EVC2: variants seen among roughly 807,000 people sequenced by gnomAD.
The protein encoded by EVC2 is limbin.
A neutral mutation model predicts 149.3 loss-of-function variants in EVC2; 148 were observed. The observed-to-expected ratio is 0.99, with a 90% CI of 0.87 to 1.14. The LOEUF is 1.14. Among genes scored for constraint, EVC2 ranks in the 50% most tolerant of loss-of-function variants. The pLI is 0.00. For missense variants in EVC2, 1,854 were observed against 1,627.3 expected (o/e 1.14, Z -2.40); for synonymous variants, 776 against 649.9 (o/e 1.19, Z -2.95).
intron 11 of EVC2, among the ~76,000 whole-genome samples, chr4:5,630,169 G>C (rs549167100): frequency 8.5e-4 from 129 of 152,334 alleles, no homozygotes; most frequent in African/African-American, 2.9e-3. Flanking sequence ...GGAGGGGGGA[G>C]CTCGTTCTCT....
intron 9 of EVC2, among the ~76,000 whole-genome samples, chr4:5,641,662 T>C (rs1350983471): frequency 6.6e-6 from 1 of 152,184 alleles, no homozygotes; most frequent in African/African-American, 2.4e-5. Flanking sequence ...AGAAAAAAAT[T>C]AATTTATGTT....
chr4:5,543,307 C>T (rs1476473948), intron 21 of EVC2: 1 of 625,084 alleles, frequency 1.6e-6, no homozygotes, highest in Non-Finnish European at 2.5e-6. Flanking sequence ...AGGAGCACTC[C>T]ATAAACACAC....
chr4:5,669,154 T>C (rs1303527009), intron 7 of EVC2, among the ~76,000 whole-genome samples: 1 of 152,188 alleles, frequency 6.6e-6, no homozygotes, highest in East Asian at 1.9e-4. Context: ...ATAAACAGCA[T>C]GGCCCTGCCT....
At chr4:5,587,678 T>C (rs1712414232) in intron 16 of EVC2, among the ~76,000 whole-genome samples, 1 of 152,178 alleles carries the variant, frequency 6.6e-6, no homozygotes, top group African/African-American at 2.4e-5. Context: ...TCTCAAGAGC[T>C]GAGCTCCCCG....
chr4:5,602,541 G>T (rs1314822302), intron 16 of EVC2, among the ~76,000 whole-genome samples: 1 of 151,950 alleles, frequency 6.6e-6, no homozygotes, highest in East Asian at 1.9e-4. Context: ...CTGATAAGTG[G>T]TCCAGGTTTA....
intron 6 of EVC2, 139 bp downstream of exon 6, chr4:5,685,231 G>A: frequency 1.2e-6 from 1 of 847,270 alleles, no homozygotes; most frequent in South Asian, 1.4e-5. Flanking sequence ...TGAGACTCCA[G>A]GGCCTATGCC....
At chr4:5,652,030 T>C (rs957532831) in intron 9 of EVC2, among the ~76,000 whole-genome samples, 2 of 152,060 alleles carry the variant, frequency 1.3e-5, no homozygotes, top group Non-Finnish European at 2.9e-5. Context: ...GGGATTTGAG[T>C]TTTACCAGGG....
chr4:5,574,544 A>G, intron 19 of EVC2, 141 bp downstream of exon 19: 2 of 820,454 alleles, frequency 2.4e-6, no homozygotes, highest in Non-Finnish European at 4.1e-6. Context: ...CCCATGCTAG[A>G]GCTTCGCACA....
intron 4 of EVC2, 133 bp from the exon 5 acceptor site, chr4:5,689,476 G>A: frequency 2.4e-6 from 2 of 840,514 alleles, no homozygotes; most frequent in East Asian, 2.7e-5. Flanking sequence ...AGAGGGCCTG[G>A]GAATTTATCA....
the EVC2 span, among the ~76,000 whole-genome samples, chr4:5,530,501 T>A: frequency 2.7e-5 from 4 of 150,892 alleles, no homozygotes; most frequent in African/African-American, 9.7e-5. Flanking sequence ...AACTAACATA[T>A]GAATCTCCTC....
Position 5,677,441 on chromosome 4 carries a change from G to A in EVC2, c.870+3819C>T, listed in dbSNP as rs942720241. Among the ~76,000 whole-genome samples, 5 of 152,186 alleles carry A rather than the reference G, an allele frequency of 3.3e-5. No individual in the cohort carries two copies. The highest frequency in any genetic ancestry group is 7.3e-5 in the Non-Finnish European group (5 of 68,038). Reference sequence around the variant, plus strand: ...CAGCCTGGGGGCGCCTGTCCTGGGGGCTGGTGTGGCTGAAATCCAGCCCCA... The same window carrying A: ...CAGCCTGGGGGCGCCTGTCCTGGGGACTGGTGTGGCTGAAATCCAGCCCCA... On this transcript the variant is annotated intron_variant, in intron 7 of 21. Coordinates refer to ENST00000344408, the MANE Select transcript of EVC2 (RefSeq NM_147127.5). The surrounding 1 kb of genome is among the most constrained non-coding windows in gnomAD (Gnocchi z 4.3).
Position 5,613,052 on chromosome 4 carries a change from G to A in EVC2, c.2829+2370C>T, listed in dbSNP as rs920556893. Reference sequence around the variant, plus strand: ...TTGAGCCACTGGGTGGGAGCGGTGCGGTCTGCACCTGATGTCCCCATGGGT... The same window carrying A: ...TTGAGCCACTGGGTGGGAGCGGTGCAGTCTGCACCTGATGTCCCCATGGGT... On this transcript the variant is annotated intron_variant, in intron 16 of 21. Coordinates refer to ENST00000344408, the MANE Select transcript of EVC2 (RefSeq NM_147127.5). This position sits in a 1 kb window ranked among gnomAD's most constrained non-coding sequence, Gnocchi z 4.6. Among the ~76,000 whole-genome samples the A allele has an allele frequency of 1.4e-4, 21 of 152,024 alleles. No homozygotes were observed. Among genetic ancestry groups the A allele is most frequent in the South Asian group, 1.2e-3 (6 of 4,820 alleles).
At chr4:5,553,146 G>A (rs1425388533) in intron 21 of EVC2, among the ~76,000 whole-genome samples, 2 of 152,184 alleles carry the variant, frequency 1.3e-5, no homozygotes, top group Admixed American at 1.3e-4. Flanking sequence ...GCTGGCATCT[G>A]CTCAGCTTCT....
downstream of EVC2, among the ~76,000 whole-genome samples, chr4:5,538,057 G>T (rs190955483): frequency 5.1e-5 from 6 of 118,300 alleles, no homozygotes; most frequent in East Asian, 7.5e-4. Context: ...GATCTGGAAA[G>T]AAATAGAAAA....
rs1265421045 is a variant in EVC2, at chr4:5,622,981, T to TG, written c.2056dup (p.Gln686ProfsTer3). On this transcript the variant is annotated frameshift_variant, in exon 14 of 22. Transcript: ENST00000344408. LOFTEE classifies it high-confidence loss of function. The surrounding 1 kb of genome is among the most constrained non-coding windows in gnomAD (Gnocchi z 5.8). Reference sequence around the variant, plus strand: ...GCCGACGGACGCCTGCTCCCTACGCTGCTCCCTGTGCTGGAGTTTCAGAAA... The same window carrying TG: ...GCCGACGGACGCCTGCTCCCTACGCTGGCTCCCTGTGCTGGAGTTTCAGAAA... The TG allele has an allele frequency of 1.9e-6, 3 of 1,614,030 alleles. No individual in the cohort carries two copies. Among genetic ancestry groups the TG allele is most frequent in the South Asian group, 2.2e-5 (2 of 91,070 alleles).
intron 20 of EVC2, 117 bp downstream of exon 20, chr4:5,568,327 G>T: frequency 1.9e-6 from 2 of 1,051,352 alleles, no homozygotes; most frequent in Non-Finnish European, 2.7e-6. Context: ...AAAATAAATT[G>T]GTAACAAAAT....
At chr4:5,551,268 G>T (rs113659758) in intron 21 of EVC2, among the ~76,000 whole-genome samples, 1 of 152,206 alleles carries the variant, frequency 6.6e-6, no homozygotes, top group Admixed American at 6.5e-5. Context: ...CAGCCAGGAG[G>T]GGGGCTGTGC....
chr4:5,646,385 CA>C (rs1268905935), intron 9 of EVC2, among the ~76,000 whole-genome samples: 2 of 151,946 alleles, frequency 1.3e-5, no homozygotes, highest in Non-Finnish European at 2.9e-5. Context: ...GTCCCTTGTC[CA>C]CTTTTTAATG....
chr4:5,535,923 C>T, the EVC2 span, among the ~76,000 whole-genome samples: 50 of 152,208 alleles, frequency 3.3e-4, no homozygotes, highest in African/African-American at 1.1e-3. This position sits in a 1 kb window ranked among gnomAD's most constrained non-coding sequence, Gnocchi z 4.7. Flanking sequence ...GTCTTCTACA[C>T]CTGTCTCCTA....
Sources: allele counts gnomAD v4.1 joint callset (sites outside exome capture counted in the v4.1 genomes callset), GRCh38; gene constraint gnomAD v4.1.1; non-coding constraint Gnocchi (gnomAD v3.1); transcripts MANE v1.5; gene names NCBI Gene and HGNC (gene_info 2026-07-23, HGNC 2026-07-21).